Variants in MMP16 observed in about 807,000 individuals in gnomAD.
The protein encoded by MMP16 is matrix metalloproteinase-16.
In MMP16, 12 loss-of-function variants were observed where a neutral mutation model predicts 67.8. The ratio of observed to expected loss-of-function variants is 0.18; its 90% CI spans 0.11 to 0.29. MMP16 has a LOEUF of 0.29. Among genes scored for constraint, MMP16 ranks in the 10% least tolerant of loss-of-function variants. The pLI is 1.00. For missense variants in MMP16, 475 were observed against 765.7 expected, an observed-to-expected ratio of 0.62 and a Z score of 4.48; for synonymous variants, 249 against 255.9, an observed-to-expected ratio of 0.97 and a Z score of 0.26.
chr8:88,128,787 AC>A (rs1488468645), intron 4 of MMP16, among the ~76,000 whole-genome samples: 1 of 151,844 alleles, frequency 6.6e-6, no homozygotes, highest in Non-Finnish European at 1.5e-5. Flanking sequence ...CCAAGAAAAT[AC>A]TGGGAAAGTA....
intron 3 of MMP16, among the ~76,000 whole-genome samples, chr8:88,176,952 T>C (rs528564322): frequency 7.2e-5 from 11 of 152,328 alleles, no homozygotes; most frequent in Non-Finnish European, 1.5e-4. Context: ...GGATTTTTGT[T>C]GGAATTGCAT....
intron 1 of MMP16, among the ~76,000 whole-genome samples, chr8:88,220,087 T>G (rs1455435518): frequency 6.6e-6 from 1 of 152,132 alleles, no homozygotes; most frequent in Non-Finnish European, 1.5e-5. Context: ...TCACAAGCAT[T>G]ATATCAGTTA....
intron 1 of MMP16, among the ~76,000 whole-genome samples, chr8:88,213,510 A>T (rs867244058): frequency 6.6e-6 from 1 of 152,174 alleles, no homozygotes; most frequent in Admixed American, 6.6e-5. Context: ...ATTAATGTAG[A>T]TTATGTATAC....
intron 6 of MMP16, among the ~76,000 whole-genome samples, chr8:88,110,235 A>G (rs1166483119): frequency 1.3e-5 from 2 of 151,448 alleles, no homozygotes; most frequent in African/African-American, 4.8e-5. Flanking sequence ...GTCCATTCTT[A>G]CTGACTAATA....
chr8:88,227,103 A>G (rs1809782942), intron 1 of MMP16, among the ~76,000 whole-genome samples: 1 of 152,002 alleles, frequency 6.6e-6, no homozygotes, highest in Admixed American at 6.6e-5. Context: ...CAGCTTCACA[A>G]AGAGATTAAA....
chr8:88,289,046 G>C (rs1464677144), intron 1 of MMP16, among the ~76,000 whole-genome samples: 1 of 152,116 alleles, frequency 6.6e-6, no homozygotes, highest in Non-Finnish European at 1.5e-5. Context: ...GCCAATACTT[G>C]ACCCCAAGTA....
chr8:88,262,545 C>G (rs959665810), intron 1 of MMP16, among the ~76,000 whole-genome samples: 10 of 152,180 alleles, frequency 6.6e-5, no homozygotes, highest in Admixed American at 6.5e-4. Flanking sequence ...TGAGAATCTG[C>G]ATGTTCAGCT....
intron 7 of MMP16, among the ~76,000 whole-genome samples, chr8:88,065,060 C>G (rs147034818): frequency 6.6e-6 from 1 of 152,122 alleles, no homozygotes; most frequent in Non-Finnish European, 1.5e-5. Context: ...GCCATTTTTG[C>G]TCTGCATGTG....
chr8:88,244,771 G>A (rs981206329), intron 1 of MMP16, among the ~76,000 whole-genome samples: 7 of 152,052 alleles, frequency 4.6e-5, no homozygotes, highest in African/African-American at 1.7e-4. Context: ...CTTTACCTTC[G>A]TGACTTTCAT....
intron 4 of MMP16, among the ~76,000 whole-genome samples, chr8:88,159,311 T>A (rs894014637): frequency 2.0e-5 from 3 of 152,202 alleles, no homozygotes; most frequent in Admixed American, 6.5e-5. Context: ...TGGAAAGTTC[T>A]TCCATTTGTT....
intron 4 of MMP16, among the ~76,000 whole-genome samples, chr8:88,144,054 C>T (rs1394535333): frequency 6.6e-5 from 10 of 151,860 alleles, no homozygotes; most frequent in Non-Finnish European, 4.4e-5. Flanking sequence ...AAATCACTAC[C>T]TCAAAACAAG....
rs1053098100 is a variant in MMP16, at chr8:88,043,162, C to T, written c.1490-1367G>A. On this transcript the variant is annotated intron_variant, in intron 9 of 9. Coordinates refer to ENST00000286614, the MANE Select transcript of MMP16 (RefSeq NM_005941.5). ...TTAATTATCCTTTCTTTTAAGCCCA[C>T]GATATTGAGGATCAGAGACAAAATA... Among the ~76,000 whole-genome samples, 5 of 152,240 alleles carry T rather than the reference C, an allele frequency of 3.3e-5. No individual in the cohort carries two copies. The East Asian group carries it at 7.7e-4, about 24-fold the overall frequency.
At chr8:88,312,786 C>T (rs577229126) in intron 1 of MMP16, among the ~76,000 whole-genome samples, 17 of 152,102 alleles carry the variant, frequency 1.1e-4, no homozygotes, top group Middle Eastern at 3.4e-3. Context: ...CTGACCAACA[C>T]GGTGAAACCC....
rs928450647 is a variant in MMP16 at position 88,267,874 on chromosome 8, T to C, written c.132+59201A>G. 3.3e-5 allele frequency among the ~76,000 whole-genome samples: 5 copies of C among 152,188 alleles called. No individual in the cohort carries two copies. The East Asian group carries it at 7.7e-4, about 23-fold the overall frequency. Reference sequence around the variant, plus strand: ...GGTCCCAAAATTGACATCATATTCCTATTCAATGATCCTGTCATTACACAG... The same window carrying C: ...GGTCCCAAAATTGACATCATATTCCCATTCAATGATCCTGTCATTACACAG... On this transcript the variant is annotated intron_variant, in intron 1 of 9. Transcript: ENST00000286614.
intron 1 of MMP16, among the ~76,000 whole-genome samples, chr8:88,283,163 TCTTTA>T (rs1433442651): frequency 1.3e-5 from 2 of 152,220 alleles, no homozygotes; most frequent in Non-Finnish European, 2.9e-5. Flanking sequence ...ATTCTCCTGT[TCTTTA>T]ACATAGTTAC....
intron 1 of MMP16, among the ~76,000 whole-genome samples, chr8:88,275,172 T>C (rs1429193372): frequency 3.3e-5 from 5 of 151,982 alleles, no homozygotes; most frequent in Non-Finnish European, 5.9e-5. Flanking sequence ...GAGGATCAAA[T>C]TGCAGCTTTA....
intron 7 of MMP16, among the ~76,000 whole-genome samples, chr8:88,062,059 G>A (rs1808405975): frequency 6.6e-6 from 1 of 152,028 alleles, no homozygotes; most frequent in African/African-American, 2.4e-5. Flanking sequence ...AGTATCTGTG[G>A]CATAGAATTC....
At chr8:88,088,323 G>A (rs1163907929) in intron 6 of MMP16, among the ~76,000 whole-genome samples, 1 of 151,866 alleles carries the variant, frequency 6.6e-6, no homozygotes, top group Non-Finnish European at 1.5e-5. Flanking sequence ...CTGAGCAAGT[G>A]TAGAGGCCTA....
At chr8:88,048,418 A>T (rs1189300419) in intron 8 of MMP16, among the ~76,000 whole-genome samples, 1 of 142,246 alleles carries the variant, frequency 7.0e-6, no homozygotes, top group Non-Finnish European at 1.5e-5. Flanking sequence ...GAGTAAAATA[A>T]GTTTATATTT....
Sources: allele counts gnomAD v4.1 joint callset (sites outside exome capture counted in the v4.1 genomes callset), GRCh38; gene constraint gnomAD v4.1.1; transcripts MANE v1.5; gene names NCBI Gene and HGNC (gene_info 2026-07-23, HGNC 2026-07-21).